Variants in KCNQ1 observed in about 807,000 individuals in gnomAD.
KCNQ1 encodes potassium voltage-gated channel subfamily Q member 1, also known as potassium voltage-gated channel subfamily KQT member 1.
KCNQ1 carries 49 observed loss-of-function variants against 72.4 expected under a neutral mutation model. The observed-to-expected ratio is 0.68, with a 90% confidence interval of 0.54 to 0.86. The LOEUF (loss-of-function observed/expected upper bound fraction) is 0.86. Ranked by LOEUF, KCNQ1 falls within the 40% of genes least tolerant of loss-of-function variation. The pLI, the probability that KCNQ1 is intolerant of heterozygous loss-of-function variation, is 0.00. For synonymous variants in KCNQ1, 450 were observed against 412.6 expected (o/e 1.09, Z -1.10); for missense variants, 790 against 945.1 (o/e 0.84, Z 2.15).
rs1279596472 is a variant in KCNQ1, at chr11:2,598,789, A to G, written c.1393+9935A>G. On this transcript the variant is annotated intron_variant, in intron 10 of 15. Transcript: ENST00000155840. This position sits in a 1 kb window ranked among gnomAD's most constrained non-coding sequence, Gnocchi z 6.2. ...TCTGCCATTTTCTTATGTGGCCCTAAGCAAGCTACTGCATTCTCTGTGCCT... is the reference window on the plus strand; with the variant it reads ...TCTGCCATTTTCTTATGTGGCCCTAGGCAAGCTACTGCATTCTCTGTGCCT... Among the ~76,000 whole-genome samples the G allele has an allele frequency of 2.6e-5, 4 of 152,194 alleles. No homozygotes were observed. The highest frequency in any genetic ancestry group is 5.9e-5 in the Non-Finnish European group (4 of 68,024).
chr11:2,591,467 A>T (rs2283176), intron 10 of KCNQ1, among the ~76,000 whole-genome samples: 35,115 of 152,230 alleles, frequency 0.23, 5,036 homozygotes, highest in South Asian at 0.39. Context: ...GATTGTGCCA[A>T]CCAATGCCCA....
rs539837679 is a variant in KCNQ1, at chr11:2,595,522, T to A, written c.1393+6668T>A. Among the ~76,000 whole-genome samples the A allele has an allele frequency of 7.9e-5, 12 of 152,332 alleles. No homozygotes were observed. Among genetic ancestry groups the A allele is most frequent in the African/African-American group, 2.6e-4 (11 of 41,572 alleles). ...AGAATTATGCTAAATCTACTCTGCTTATGCTCTATAATGAAGCAACAAAGC... is the reference window on the plus strand; with the variant it reads ...AGAATTATGCTAAATCTACTCTGCTAATGCTCTATAATGAAGCAACAAAGC... On this transcript the variant is annotated intron_variant, in intron 10 of 15. Coordinates refer to ENST00000155840, the MANE Select transcript of KCNQ1 (RefSeq NM_000218.3). The surrounding 1 kb of genome is among the most constrained non-coding windows in gnomAD (Gnocchi z 5.0).
At chr11:2,798,665 A>T (rs1207345472) in intron 15 of KCNQ1, among the ~76,000 whole-genome samples, 1 of 152,248 alleles carries the variant, frequency 6.6e-6, no homozygotes, top group Non-Finnish European at 1.5e-5. Flanking sequence ...TGCAGGTATC[A>T]AATTAAGTTC....
intron 11 of KCNQ1, among the ~76,000 whole-genome samples, chr11:2,742,416 A>G (rs1285462169): frequency 2.0e-5 from 3 of 152,222 alleles, no homozygotes; most frequent in Admixed American, 6.5e-5. Flanking sequence ...CCACCTGGCC[A>G]CTGCACCCTG....
At chr11:2,525,027 G>C (rs1359442817) in intron 1 of KCNQ1, among the ~76,000 whole-genome samples, 3 of 152,242 alleles carry the variant, frequency 2.0e-5, no homozygotes, top group African/African-American at 7.2e-5. Context: ...AGGATTAAGT[G>C]TGGCAGTCAT....
chr11:2,675,055 G>T, intron 11 of KCNQ1: 1 of 398,694 alleles, frequency 2.5e-6, no homozygotes, highest in Non-Finnish European at 4.4e-6. Context: ...GGGATGCCAA[G>T]GGCAGAGCCC....
rs1294642343 is a variant in KCNQ1 at position 2,537,029 on chromosome 11, A to G, written c.477+9011A>G. Among the ~76,000 whole-genome samples the G allele has an allele frequency of 6.6e-6, 1 of 151,732 alleles. No individual in the cohort carries two copies. On this transcript the variant is annotated intron_variant, in intron 2 of 15. Transcript: ENST00000155840. This position sits in a 1 kb window ranked among gnomAD's most constrained non-coding sequence, Gnocchi z 5.2. ...CACCAGTCTTACTGGATTGGAGGCT[A>G]CCCTACTCCACTGTGACCCCCCTCC... is the stretch of plus-strand genomic sequence containing the variant.
At chr11:2,662,226 A>G (rs1247412027) in intron 11 of KCNQ1, 145 bp downstream of exon 11, 3 of 1,043,178 alleles carry the variant, frequency 2.9e-6, no homozygotes, top group Admixed American at 4.2e-5. Context: ...CCTGGCCCCA[A>G]CACGGAGGCA....
intron 15 of KCNQ1, among the ~76,000 whole-genome samples, chr11:2,819,395 G>A (rs774087230): frequency 2.6e-5 from 4 of 152,160 alleles, no homozygotes; most frequent in African/African-American, 7.2e-5. Context: ...CATCCAACAC[G>A]TGTCAGCCCA....
In KCNQ1 at chr11:2,682,641, G is replaced by C. The variant is rs981449654; in HGVS notation, c.1514+20560G>C. On this transcript the variant is annotated intron_variant, in intron 11 of 15. Transcript: ENST00000155840. The surrounding 1 kb of genome is among the most constrained non-coding windows in gnomAD (Gnocchi z 5.8). ...CTCTTCTTCAGGCTCAGTCATCCCT[G>C]CTTCCCCAGGGCTCATGTCCACATG... 5.0e-6 allele frequency: 2 copies of C among 398,426 alleles called. No individual in the cohort carries two copies. Among genetic ancestry groups the C allele is most frequent in the Admixed American group, 8.8e-5 (2 of 22,706 alleles). The allele number at this position is 398,426 out of a possible 1,614,324, so 24.7% of individuals were successfully genotyped here.
At chr11:2,504,843 A>C (rs746938781) in intron 1 of KCNQ1, among the ~76,000 whole-genome samples, 1 of 152,172 alleles carries the variant, frequency 6.6e-6, no homozygotes, top group African/African-American at 2.4e-5. Context: ...ATTTACCTCT[A>C]TGTGATTATT....
chr11:2,674,781 C>T lies in KCNQ1; in HGVS notation c.1514+12700C>T, dbSNP rs1001009376. ...GTGCCAGACCAGCTTCCTGGAAACTCTCGCCAACTGCTGGCCTTTGGAAAG... is the reference window on the plus strand; with the variant it reads ...GTGCCAGACCAGCTTCCTGGAAACTTTCGCCAACTGCTGGCCTTTGGAAAG... On this transcript the variant is annotated intron_variant, in intron 11 of 15. Transcript: ENST00000155840. This position sits in a 1 kb window ranked among gnomAD's most constrained non-coding sequence, Gnocchi z 5.9. The T allele has an allele frequency of 2.5e-6, 1 of 394,556 alleles. No homozygotes were observed. The highest frequency in any genetic ancestry group is 4.4e-6 in the Non-Finnish European group (1 of 225,674). The allele number at this position is 394,556 out of a possible 1,614,324, so 24.4% of individuals were successfully genotyped here.
chr11:2,622,676 T>C (rs1849194262), intron 10 of KCNQ1: 1 of 398,536 alleles, frequency 2.5e-6, no homozygotes, highest in South Asian at 1.3e-4. Flanking sequence ...ACCATTATGA[T>C]TCTCTATTCG....
chr11:2,566,000 A>T lies in KCNQ1; in HGVS notation c.478-4628A>T, dbSNP rs1351894243. On this transcript the variant is annotated intron_variant, in intron 2 of 15. Transcript: ENST00000155840. The surrounding 1 kb of genome is among the most constrained non-coding windows in gnomAD (Gnocchi z 5.6). ...CAGCTCTCCAGCTTCCCGGCTGCCCACTAGATGACCACCAAGGCAGGGCGG... is the reference window on the plus strand; with the variant it reads ...CAGCTCTCCAGCTTCCCGGCTGCCCTCTAGATGACCACCAAGGCAGGGCGG... Among the ~76,000 whole-genome samples the T allele has an allele frequency of 1.3e-5, 2 of 151,676 alleles. No homozygotes were observed. The highest frequency in any genetic ancestry group is 2.9e-5 in the Non-Finnish European group (2 of 67,918).
In KCNQ1 at chr11:2,676,714, A is replaced by C. The variant is rs951352555; in HGVS notation, c.1514+14633A>C. 4 of 398,554 alleles carry C rather than the reference A, an allele frequency of 1.0e-5. No individual in the cohort carries two copies. Among genetic ancestry groups the C allele is most frequent in the Admixed American group, 4.4e-5 (1 of 22,722 alleles). 24.7% of individuals were successfully genotyped at this position (398,554 alleles called of 1,614,324 possible). On this transcript the variant is annotated intron_variant, in intron 11 of 15. Coordinates refer to ENST00000155840, the MANE Select transcript of KCNQ1 (RefSeq NM_000218.3). This position sits in a 1 kb window ranked among gnomAD's most constrained non-coding sequence, Gnocchi z 4.2. ...GACTACAGCCTGGCAGGAGATAACC[A>C]AGTCATATGCATAGTGGCTTTGGGT... is the stretch of plus-strand genomic sequence containing the variant.
rs116280137 is a variant in KCNQ1 at position 2,768,637 on chromosome 11, C to T, written c.1515-207C>T. Among the ~76,000 whole-genome samples the T allele has an allele frequency of 6.6e-3, 1,000 of 152,270 alleles. 17 individuals are homozygous for T. The highest frequency in any genetic ancestry group is 0.023 in the African/African-American group (963 of 41,542). On this transcript the variant is annotated intron_variant, in intron 11 of 15. Transcript: ENST00000155840. This position sits in a 1 kb window ranked among gnomAD's most constrained non-coding sequence, Gnocchi z 6.7. The stretch of plus-strand genomic sequence containing the variant: ...CTTCCCACTCACAGATGAGGTGAAA[C>T]ATTTCACCTTGAAAAGCCTCTTGCC...
chr11:2,552,036 T>C (rs1252581630), intron 2 of KCNQ1, among the ~76,000 whole-genome samples: 13 of 152,236 alleles, frequency 8.5e-5, no homozygotes, highest in Non-Finnish European at 1.5e-5. Flanking sequence ...AGTCATGGCT[T>C]TGTCTTTGCA....
intron 10 of KCNQ1, chr11:2,630,945 C>T: frequency 2.5e-6 from 1 of 398,526 alleles, no homozygotes; most frequent in Non-Finnish European, 4.4e-6. Context: ...CAGAAATCCA[C>T]TGATAGCCTT....
At chr11:2,449,336 G>A (rs546488747) in intron 1 of KCNQ1, among the ~76,000 whole-genome samples, 12 of 152,336 alleles carry the variant, frequency 7.9e-5, no homozygotes, top group Admixed American at 4.6e-4. Context: ...TGGCAGTTGC[G>A]AGGTACTGGA....
Sources: gnomAD v4.1 joint callset for allele counts (sites outside exome capture counted in the v4.1 genomes callset) on GRCh38, gnomAD v4.1.1 for gene constraint, Gnocchi (gnomAD v3.1) non-coding constraint, MANE v1.5 for transcripts, NCBI Gene and HGNC (gene_info 2026-07-23, HGNC 2026-07-21) for gene names.